The following C7orf57 variants were observed in gnomAD, a reference collection of about 807,000 sequenced individuals.
The protein encoded by C7orf57 is uncharacterized protein C7orf57.
C7orf57 carries 33 observed loss-of-function variants against 39.0 expected under a neutral mutation model. That is an observed-to-expected ratio of 0.85 (90% CI 0.64 to 1.13). C7orf57 has a LOEUF of 1.13. Ranked by LOEUF, C7orf57 falls within the 50% of genes most tolerant of loss-of-function variation. The pLI is 0.00. For missense variants in C7orf57, 346 were observed against 362.3 expected, an observed-to-expected ratio of 0.95 and a Z score of 0.37; for synonymous variants, 124 against 137.1, an observed-to-expected ratio of 0.90 and a Z score of 0.67.
chr7:48,037,483 C>T (rs1790410790), intron 2 of C7orf57, among the ~76,000 whole-genome samples: 1 of 152,122 alleles, frequency 6.6e-6, no homozygotes, highest in Admixed American at 6.6e-5. Context: ...GAGCCTGTGC[C>T]CCTGCGGGTA....
Position 48,043,488 on chromosome 7 carries a change from G to A in C7orf57, c.249G>A (p.Leu83=), listed in dbSNP as rs1005719393. 10 of 1,613,254 alleles carry A rather than the reference G, an allele frequency of 6.2e-6. No homozygotes were observed. The Admixed American group carries it at 1.2e-4, about 19-fold the overall frequency. Residue 83 remains leucine, a synonymous_variant, in exon 4 of 9, where the codon TTG becomes TTA. Transcript: ENST00000348904. ...GTCATTTTCTCTTTTGAGATTTGTT[G>A]AAGCACTTTGCCCCTGGAACCAGGA... The part of the protein sequence containing the change: ...LAKQGGRPDL[L]KHFAPGTRKG...
At chr7:48,041,137 TAG>T (rs1790534561) in intron 2 of C7orf57, among the ~76,000 whole-genome samples, 195 bp from the exon 3 acceptor site, 1 of 152,254 alleles carries the variant, frequency 6.6e-6, no homozygotes, top group East Asian at 1.9e-4. Context: ...TGGTGGGCAG[TAG>T]AGACTGGATT....
At position 48,035,642 on chromosome 7, in the gene C7orf57, C is replaced by A. The variant is rs779179715; in HGVS notation, c.-102+12C>A. 1.5e-6 allele frequency: 1 copy of A among 674,438 alleles called. No individual in the cohort carries two copies. The highest frequency in any genetic ancestry group is 1.6e-5 in the South Asian group (1 of 63,574). The allele number at this position is 674,438 out of a possible 1,614,324, so 41.8% of individuals were successfully genotyped here. ...CCCGCGGGGAGCTGGTGAGCCTGAG[C>A]GGGCTGGAGGACAATGGGGGCGCCC... On this transcript the variant is annotated intron_variant, in intron 1 of 8. Transcript: ENST00000348904. The surrounding 1 kb of genome is among the most constrained non-coding windows in gnomAD (Gnocchi z 4.0).
In C7orf57 at chr7:48,043,463, G is replaced by A. The variant is rs1790611700; in HGVS notation, c.242-18G>A. The A allele has an allele frequency of 6.2e-6, 10 of 1,603,042 alleles. No homozygotes were observed. Among genetic ancestry groups the A allele is most frequent in the South Asian group, 1.1e-5 (1 of 90,568 alleles). On this transcript the variant is annotated intron_variant, in intron 3 of 8. Coordinates refer to ENST00000348904, the MANE Select transcript of C7orf57 (RefSeq NM_001100159.3). Reference sequence around the variant, plus strand: ...GGGCGGCGGGGTGTCTCACAGCCATGTCATTTTCTCTTTTGAGATTTGTTG... The same window carrying A: ...GGGCGGCGGGGTGTCTCACAGCCATATCATTTTCTCTTTTGAGATTTGTTG...
rs1020049240 is a variant in C7orf57 at position 48,041,049 on chromosome 7, C to T, written c.56-285C>T. Among the ~76,000 whole-genome samples the T allele has an allele frequency of 3.9e-5, 6 of 152,098 alleles. No individual in the cohort carries two copies. In the South Asian group the frequency reaches 1.0e-3, roughly 26 times the overall value. ...GAGACATCATGGGGCTTGGGTACCT[C>T]CCTGGGAAGCGAAAGCACCCATGAA... On this transcript the variant is annotated intron_variant, in intron 2 of 8. Coordinates refer to ENST00000348904, the MANE Select transcript of C7orf57 (RefSeq NM_001100159.3).
intron 7 of C7orf57, among the ~76,000 whole-genome samples, chr7:48,054,258 T>C (rs1791044632): frequency 6.6e-6 from 1 of 151,886 alleles, no homozygotes; most frequent in Admixed American, 6.6e-5. Context: ...CTACTAAAAA[T>C]ACAAAATTAT....
intron 2 of C7orf57, among the ~76,000 whole-genome samples, chr7:48,037,546 A>C (rs1478337151): frequency 6.6e-6 from 1 of 152,074 alleles, no homozygotes; most frequent in Admixed American, 6.6e-5. Flanking sequence ...GAGCTGGGGG[A>C]TCTTCAGTTC....
intron 8 of C7orf57, 65 bp from the exon 9 acceptor site, chr7:48,060,161 T>G: frequency 9.5e-7 from 1 of 1,057,344 alleles, no homozygotes. Flanking sequence ...ATATTTAAAA[T>G]TAATGTTTTT....
At chr7:48,045,356 G>T (rs1357612362) in intron 4 of C7orf57, among the ~76,000 whole-genome samples, 1 of 152,142 alleles carries the variant, frequency 6.6e-6, no homozygotes, top group East Asian at 1.9e-4. Flanking sequence ...CATCAGAAGT[G>T]GGAGGCCTGG....
Position 48,046,591 on chromosome 7 carries a change from AG to A in C7orf57, c.484del (p.Glu162AsnfsTer9). On this transcript the variant is annotated frameshift_variant, in exon 5 of 9. Coordinates refer to ENST00000348904, the MANE Select transcript of C7orf57 (RefSeq NM_001100159.3). LOFTEE classifies it high-confidence loss of function. ...AAAACAGTTTGGCAAAGAGAGGCTGAGGAACTTGAAAAGGAGAAAAAAAAGG... is the reference window on the plus strand; with the variant it reads ...AAAACAGTTTGGCAAAGAGAGGCTGAGAACTTGAAAAGGAGAAAAAAAAGG... ...DMKTVWQREAEELEKEKKKLR... is the reference protein window; with the variant it reads ...DMKTVWQREAXELEKEKKKLR... 6.2e-7 allele frequency: 1 copy of A among 1,613,528 alleles called. No individual in the cohort carries two copies. The highest frequency in any genetic ancestry group is 8.5e-7 in the Non-Finnish European group (1 of 1,179,656).
At chr7:48,038,848 C>T (rs968612611) in intron 2 of C7orf57, among the ~76,000 whole-genome samples, 1 of 151,962 alleles carries the variant, frequency 6.6e-6, no homozygotes, top group Admixed American at 6.5e-5. Flanking sequence ...TGGGATAACT[C>T]CAAGTATGTG....
chr7:48,045,585 G>A (rs1027937746), intron 4 of C7orf57, among the ~76,000 whole-genome samples: 3 of 152,156 alleles, frequency 2.0e-5, no homozygotes, highest in Admixed American at 6.5e-5. Context: ...CCTTGCCCTT[G>A]GTGCCCACTT....
chr7:48,054,166 GC>G (rs1429821488), intron 7 of C7orf57, among the ~76,000 whole-genome samples: 4 of 152,234 alleles, frequency 2.6e-5, no homozygotes, highest in Non-Finnish European at 5.9e-5. Flanking sequence ...TGTAATCCCA[GC>G]ACTTCGGGAG....
chr7:48,051,679 C>T (rs1466106484), intron 6 of C7orf57, among the ~76,000 whole-genome samples: 3 of 146,196 alleles, frequency 2.1e-5, no homozygotes, highest in East Asian at 2.1e-4. Flanking sequence ...TTTCTTCCTT[C>T]CTTCCTTCCC....
chr7:48,038,381 C>CATATATATATAT (rs142265532), intron 2 of C7orf57, among the ~76,000 whole-genome samples: 1,554 of 128,910 alleles, frequency 0.012, 15 homozygotes, highest in Middle Eastern at 0.023. Context: ...TTTCTATATA[C>CATATATATATAT]ATATAGATAG....
chr7:48,049,964 T>C lies in C7orf57; in HGVS notation c.592T>C (p.Ser198Pro), dbSNP rs1398033433. Residue 198 changes from serine to proline, a missense_variant, in exon 6 of 9, where the codon TCC becomes CCC. Ser to Pro is a moderately conservative substitution (Grantham distance 74). Coordinates refer to ENST00000348904, the MANE Select transcript of C7orf57 (RefSeq NM_001100159.3). ...GPKNPAGSRL[S>P]FPPVPGQKNS... The stretch of plus-strand genomic sequence containing the variant: ...TAAGAATCCTGCAGGAAGTAGACTC[T>C]CCTTCCCCCCCGTGTAAGTGCTTGA... The C allele has an allele frequency of 6.2e-7, 1 of 1,610,180 alleles. No homozygotes were observed. Among genetic ancestry groups the C allele is most frequent in the Non-Finnish European group, 8.5e-7 (1 of 1,176,678 alleles).
At chr7:48,043,617 T>C (rs2128792310) in intron 4 of C7orf57, 28 bp downstream of exon 4, 1 of 1,570,024 alleles carries the variant, frequency 6.4e-7, no homozygotes, top group Non-Finnish European at 8.7e-7. Flanking sequence ...CTCACATTTT[T>C]GTTTATCTTT....
chr7:48,038,116 AT>A (rs1172139303), intron 2 of C7orf57, among the ~76,000 whole-genome samples: 3 of 151,990 alleles, frequency 2.0e-5, no homozygotes, highest in Admixed American at 6.6e-5. Context: ...ATCTTTTCCA[AT>A]TTTTTTCTTT....
rs564396851 is a variant in C7orf57 at position 48,051,272 on chromosome 7, C to T, written c.605+1295C>T. Among the ~76,000 whole-genome samples the T allele has an allele frequency of 4.8e-4, 72 of 151,566 alleles. No individual in the cohort carries two copies. In the South Asian group the frequency reaches 9.6e-3, roughly 20 times the overall value. On this transcript the variant is annotated intron_variant, in intron 6 of 8. Transcript: ENST00000348904. Reference sequence around the variant, plus strand: ...ACTCAGCTCACAGCAGCCTCCACCTCTCAGGTTCAAGTGATTCTCCTGCCT... The same window carrying T: ...ACTCAGCTCACAGCAGCCTCCACCTTTCAGGTTCAAGTGATTCTCCTGCCT...
Sources: allele counts gnomAD v4.1 joint callset (sites outside exome capture counted in the v4.1 genomes callset), GRCh38; gene constraint gnomAD v4.1.1; non-coding constraint Gnocchi (gnomAD v3.1); transcripts MANE v1.5; gene names NCBI Gene and HGNC (gene_info 2026-07-23, HGNC 2026-07-21).